The following EBF3 variants were observed in gnomAD, a reference collection of about 807,000 sequenced individuals.
The protein encoded by EBF3 is transcription factor COE3.
A neutral mutation model predicts 77.1 loss-of-function variants in EBF3; 18 were observed. The ratio of observed to expected loss-of-function variants is 0.23; its 90% CI spans 0.16 to 0.35. The LOEUF (loss-of-function observed/expected upper bound fraction) is 0.35, where lower values mean the gene tolerates loss of function less well. Ranked by LOEUF, EBF3 falls within the 10% of genes least tolerant of loss-of-function variation. EBF3 has a pLI of 1.00. For missense variants in EBF3, 558 were observed against 860.0 expected (o/e 0.65, Z 4.39); for synonymous variants, 350 against 343.5 (o/e 1.02, Z -0.21).
intron 6 of EBF3, among the ~76,000 whole-genome samples, chr10:129,936,793 T>C (rs2134457165): frequency 6.6e-6 from 1 of 151,708 alleles, no homozygotes; most frequent in East Asian, 1.9e-4. Context: ...CCCTCAGCTG[T>C]GTGGGGACCC....
chr10:129,858,120 G>C (rs1384898051), intron 10 of EBF3, among the ~76,000 whole-genome samples: 4 of 152,182 alleles, frequency 2.6e-5, no homozygotes, highest in African/African-American at 7.2e-5. Flanking sequence ...GCAAAGCCAG[G>C]GCATGGCCTG....
At chr10:129,860,721 C>CT (rs1851569933) in intron 10 of EBF3, among the ~76,000 whole-genome samples, 2 of 152,232 alleles carry the variant, frequency 1.3e-5, no homozygotes, top group South Asian at 4.1e-4. Context: ...ACGAAGCACC[C>CT]TGTCACCAGC....
In EBF3 at chr10:129,963,146, T is replaced by G; in HGVS notation, c.292-141A>C. 2.4e-6 allele frequency: 3 copies of G among 1,248,536 alleles called. No individual in the cohort carries two copies. Among genetic ancestry groups the G allele is most frequent in the Non-Finnish European group, 3.4e-6 (3 of 869,790 alleles). The allele number at this position is 1,248,536 out of a possible 1,614,324, so 77.3% of individuals were successfully genotyped here. ...TCGAAGCAGCGCGGTGATGTCACTTTCCTGCTGGAAGCCCAGCGTTCTCCT... is the reference window on the plus strand; with the variant it reads ...TCGAAGCAGCGCGGTGATGTCACTTGCCTGCTGGAAGCCCAGCGTTCTCCT... On this transcript the variant is annotated intron_variant, in intron 2 of 16. Coordinates refer to ENST00000440978, the MANE Select transcript of EBF3 (RefSeq NM_001375380.1). This position sits in a 1 kb window ranked among gnomAD's most constrained non-coding sequence, Gnocchi z 7.1.
chr10:129,949,629 G>A (rs1023747807), intron 6 of EBF3, among the ~76,000 whole-genome samples: 1 of 152,132 alleles, frequency 6.6e-6, no homozygotes, highest in African/African-American at 2.4e-5. Context: ...ATCAAATCCC[G>A]GGCTTGTACT....
chr10:129,875,062 T>C (rs1852662149), intron 7 of EBF3, among the ~76,000 whole-genome samples: 1 of 152,118 alleles, frequency 6.6e-6, no homozygotes, highest in South Asian at 2.1e-4. Flanking sequence ...ATACAATTCA[T>C]TGTATTCAAT....
intron 6 of EBF3, among the ~76,000 whole-genome samples, chr10:129,949,751 A>G (rs1564919068): frequency 6.6e-6 from 1 of 152,124 alleles, no homozygotes; most frequent in Non-Finnish European, 1.5e-5. Context: ...TTCTGATTCA[A>G]TGAAAACTTA....
chr10:129,938,373 C>T lies in EBF3; in HGVS notation c.554+18885G>A. Reference sequence around the variant, plus strand: ...TGGGCAACATGGCAAAACCCCATCTCTATTTAAAAAAAAAAAAAAAAAAGA... The same window carrying T: ...TGGGCAACATGGCAAAACCCCATCTTTATTTAAAAAAAAAAAAAAAAAAGA... On this transcript the variant is annotated intron_variant, in intron 6 of 16. Coordinates refer to ENST00000440978, the MANE Select transcript of EBF3 (RefSeq NM_001375380.1). The surrounding 1 kb of genome is among the most constrained non-coding windows in gnomAD (Gnocchi z 5.1). Among the ~76,000 whole-genome samples the T allele has an allele frequency of 1.1e-5, 1 of 90,558 alleles. No individual in the cohort carries two copies. The highest frequency in any genetic ancestry group is 2.2e-5 in the Non-Finnish European group (1 of 45,942). 59.4% of individuals were successfully genotyped at this position (90,558 alleles called of 152,430 possible). A position where few individuals can be genotyped will look rare whatever the true frequency, so the allele number is the denominator to read the frequency against.
chr10:129,961,880 G>T (rs1029675135), intron 4 of EBF3, among the ~76,000 whole-genome samples: 1 of 151,980 alleles, frequency 6.6e-6, no homozygotes, highest in Non-Finnish European at 1.5e-5. Flanking sequence ...ACAAGAGGGG[G>T]GACATCTTGA....
intron 6 of EBF3, among the ~76,000 whole-genome samples, chr10:129,886,577 C>G (rs1853602524): frequency 6.6e-6 from 1 of 152,164 alleles, no homozygotes; most frequent in Non-Finnish European, 1.5e-5. Flanking sequence ...CTGCTCGGCT[C>G]CCCACGCCAC....
rs181451803 is a variant in EBF3 at position 129,957,284 on chromosome 10, C to A, written c.528G>T (p.Thr176=). ...DKKSCGNRNE[T]PSDPVIIDRF... is the part of the protein sequence containing the mutation. ...TGTCAATGATTACAGGGTCTGAGGGCGTTTCGTTTCTATTGCCACAACTTT... is the reference window on the plus strand; with the variant it reads ...TGTCAATGATTACAGGGTCTGAGGGAGTTTCGTTTCTATTGCCACAACTTT... The change falls in exon 6 of 17, where the codon ACG becomes ACT. Residue 176 remains threonine, a synonymous_variant. Coordinates refer to ENST00000440978, the MANE Select transcript of EBF3 (RefSeq NM_001375380.1). 6.2e-7 allele frequency: 1 copy of A among 1,610,660 alleles called. No homozygotes were observed.
At position 129,836,700 on chromosome 10, in the gene EBF3, A is replaced by G. The variant is rs1213850620; in HGVS notation, c.*1243T>C. ...GCTTAACGAAACAGATCAAAGAGAC[A>G]AGTTCTTGGCTAATGCTCTTCCCAG... On this transcript the variant is annotated 3_prime_UTR_variant, in exon 17 of 17. Transcript: ENST00000440978. 2.0e-5 allele frequency: 3 copies of G among 152,636 alleles called. No homozygotes were observed. Among genetic ancestry groups the G allele is most frequent in the African/African-American group, 7.2e-5 (3 of 41,446 alleles). 9.5% of individuals were successfully genotyped at this position (152,636 alleles called of 1,614,324 possible).
chr10:129,927,949 T>C (rs377469521), intron 6 of EBF3, among the ~76,000 whole-genome samples: 6 of 152,288 alleles, frequency 3.9e-5, no homozygotes, highest in African/African-American at 1.4e-4. Flanking sequence ...AAGTGCTCGG[T>C]GGAGAGCTTG....
chr10:129,841,544 A>C lies in EBF3; in HGVS notation c.1373-512T>G, dbSNP rs963481071. On this transcript the variant is annotated intron_variant, in intron 13 of 16. Coordinates refer to ENST00000440978, the MANE Select transcript of EBF3 (RefSeq NM_001375380.1). The surrounding 1 kb of genome is among the most constrained non-coding windows in gnomAD (Gnocchi z 4.6). ...GAGCTTGTGGATGGACGGGAACAAA[A>C]TCAGCAATAGTATGGGTGAGGTGTT... Among the ~76,000 whole-genome samples, 1 of 152,152 alleles carries C rather than the reference A, an allele frequency of 6.6e-6. No homozygotes were observed. Among genetic ancestry groups the C allele is most frequent in the Non-Finnish European group, 1.5e-5 (1 of 68,042 alleles).
chr10:129,954,441 G>C (rs1363919255), intron 6 of EBF3, among the ~76,000 whole-genome samples: 4 of 148,602 alleles, frequency 2.7e-5, no homozygotes, highest in Non-Finnish European at 4.4e-5. Context: ...TCTCTGAAGG[G>C]TCTTCATGCC....
At chr10:129,926,025 G>A (rs1014302444) in intron 6 of EBF3, among the ~76,000 whole-genome samples, 13 of 152,200 alleles carry the variant, frequency 8.5e-5, no homozygotes, top group African/African-American at 3.1e-4. Flanking sequence ...CACAAAGTGG[G>A]CAAAGTGTCA....
Position 129,873,602 on chromosome 10 carries a change from A to C in EBF3, c.637-6T>G. The C allele has an allele frequency of 6.6e-7, 1 of 1,525,140 alleles. No individual in the cohort carries two copies. The highest frequency in any genetic ancestry group is 8.8e-7 in the Non-Finnish European group (1 of 1,133,834). The allele number at this position is 1,525,140 out of a possible 1,614,324, so 94.5% of individuals were successfully genotyped here. ...ACTGTTGTCGATACAACAACCTGCA[A>C]AGATGAAGTGGATTTGAAAATGGAA... is the stretch of plus-strand genomic sequence containing the variant. On this transcript the variant is annotated splice_region_variant and splice_polypyrimidine_tract_variant and intron_variant, in intron 7 of 16. Transcript: ENST00000440978.
intron 7 of EBF3, among the ~76,000 whole-genome samples, chr10:129,876,110 C>T (rs1420949874): frequency 6.6e-6 from 1 of 152,202 alleles, no homozygotes; most frequent in African/African-American, 2.4e-5. Context: ...TGTAGTTCAG[C>T]AGAGAGAGCA....
intron 6 of EBF3, among the ~76,000 whole-genome samples, chr10:129,922,797 T>C (rs916271820): frequency 6.6e-6 from 1 of 152,150 alleles, no homozygotes. Context: ...TGCCCACATC[T>C]TACACAACCC....
At chr10:129,939,958 G>A (rs1032627746) in intron 6 of EBF3, among the ~76,000 whole-genome samples, 7 of 152,204 alleles carry the variant, frequency 4.6e-5, no homozygotes, top group Admixed American at 1.3e-4. Flanking sequence ...TGTGGCCCAC[G>A]TCCCCCTCTA....
Sources: allele counts gnomAD v4.1 joint callset (sites outside exome capture counted in the v4.1 genomes callset), GRCh38; gene constraint gnomAD v4.1.1; non-coding constraint Gnocchi (gnomAD v3.1); transcripts MANE v1.5; gene names NCBI Gene and HGNC (gene_info 2026-07-23, HGNC 2026-07-21).